RBFOX3: variants seen among roughly 807,000 people sequenced by gnomAD.
The protein encoded by RBFOX3 is RNA binding protein fox-1 homolog 3.
RBFOX3 carries 17 observed loss-of-function variants against 48.7 expected under a neutral mutation model. The ratio of observed to expected loss-of-function variants is 0.35; its 90% CI spans 0.24 to 0.52. The LOEUF (loss-of-function observed/expected upper bound fraction) is 0.52. Among genes scored for constraint, RBFOX3 ranks in the 20% least tolerant of loss-of-function variants. The pLI is 0.94. For missense variants in RBFOX3, 382 were observed against 497.5 expected (o/e 0.77, Z 2.21); for synonymous variants, 212 against 209.5 (o/e 1.01, Z -0.10).
Position 79,162,052 on chromosome 17 carries a change from G to A in RBFOX3, c.-33-46304C>T, listed in dbSNP as rs566816594. Among the ~76,000 whole-genome samples, 8 of 152,254 alleles carry A rather than the reference G, an allele frequency of 5.3e-5. 1 individual carries two copies. Among genetic ancestry groups the A allele is most frequent in the African/African-American group, 1.7e-4 (7 of 41,536 alleles). On this transcript the variant is annotated intron_variant, in intron 4 of 14. Coordinates refer to ENST00000693108, the MANE Select transcript of RBFOX3 (RefSeq NM_001350451.2). The stretch of plus-strand genomic sequence containing the variant: ...CGCTCACAGACTTCTGCCCCCAGCT[G>A]CCCCTGCTGAGAATTGGGAGCCAGA...
At chr17:79,561,415 A>T (rs1361507619) in intron 1 of RBFOX3, among the ~76,000 whole-genome samples, 3 of 152,178 alleles carry the variant, frequency 2.0e-5, no homozygotes, top group African/African-American at 7.2e-5. Flanking sequence ...GTCACCCCCA[A>T]GGATTAAGGG....
chr17:79,097,811 C>T (rs940574755), intron 9 of RBFOX3, 66 bp from the exon 10 acceptor site: 1 of 1,497,960 alleles, frequency 6.7e-7, no homozygotes, highest in South Asian at 1.2e-5. Context: ...AAACGTATGC[C>T]TGGGAACCCC....
intron 1 of RBFOX3, among the ~76,000 whole-genome samples, chr17:79,519,813 C>T (rs1051333724): frequency 3.9e-5 from 6 of 152,228 alleles, no homozygotes; most frequent in African/African-American, 4.8e-5. Context: ...CGGGGGTGAG[C>T]GTCCCTGGCT....
At position 79,362,604 on chromosome 17, in the gene RBFOX3, T is replaced by A. The variant is rs2086594495; in HGVS notation, c.-174-54780A>T. Among the ~76,000 whole-genome samples, 1 of 152,296 alleles carries A rather than the reference T, an allele frequency of 6.6e-6. No individual in the cohort carries two copies. The highest frequency in any genetic ancestry group is 1.9e-4 in the East Asian group (1 of 5,178). ...CGTGTGAGGGGCCCAGAGGCCTCTTTGCAAAGCTTGAATACCTGGCGCCCC... is the reference window on the plus strand; with the variant it reads ...CGTGTGAGGGGCCCAGAGGCCTCTTAGCAAAGCTTGAATACCTGGCGCCCC... On this transcript the variant is annotated intron_variant, in intron 2 of 14. Transcript: ENST00000693108. The surrounding 1 kb of genome is among the most constrained non-coding windows in gnomAD (Gnocchi z 4.2).
At chr17:79,274,764 A>G (rs1281677916) in intron 3 of RBFOX3, among the ~76,000 whole-genome samples, 1 of 151,822 alleles carries the variant, frequency 6.6e-6, no homozygotes, top group Non-Finnish European at 1.5e-5. Flanking sequence ...CCCTGCCTGC[A>G]GCTTCAGCGA....
At chr17:79,174,974 C>G (rs942160919) in intron 4 of RBFOX3, among the ~76,000 whole-genome samples, 3 of 152,210 alleles carry the variant, frequency 2.0e-5, no homozygotes, top group Non-Finnish European at 4.4e-5. Flanking sequence ...GGCCTCAGCT[C>G]GGGGCCTCCT....
chr17:79,504,714 A>G (rs1361929128), intron 1 of RBFOX3, among the ~76,000 whole-genome samples: 1 of 152,166 alleles, frequency 6.6e-6, no homozygotes, highest in African/African-American at 2.4e-5. Context: ...CGCCTGGATA[A>G]TCCAGCACCA....
Position 79,478,294 on chromosome 17 carries a change from C to T in RBFOX3, c.-175+4160G>A, listed in dbSNP as rs554205998. Among the ~76,000 whole-genome samples, 1,034 of 152,330 alleles carry T rather than the reference C, an allele frequency of 6.8e-3. 7 individuals are homozygous for T. Among genetic ancestry groups the T allele is most frequent in the Middle Eastern group, 0.024 (7 of 294 alleles). On this transcript the variant is annotated intron_variant, in intron 2 of 14. Transcript: ENST00000693108. ...AGTCATGTGTTGCCGCTCATGGGTG[C>T]GTCCCTGAGGGTGGGGGCCGGGGTG...
chr17:79,486,996 C>T (rs983596178), intron 1 of RBFOX3, among the ~76,000 whole-genome samples: 3 of 152,208 alleles, frequency 2.0e-5, no homozygotes, highest in Non-Finnish European at 4.4e-5. Flanking sequence ...GAAAAACAAA[C>T]ATCTGGACTG....
intron 2 of RBFOX3, among the ~76,000 whole-genome samples, chr17:79,371,988 G>C (rs373042450): frequency 6.6e-6 from 1 of 152,238 alleles, no homozygotes; most frequent in East Asian, 1.9e-4. Context: ...AGGCAGGTTC[G>C]GGGAGACCCT....
At chr17:79,273,992 G>A (rs1329790131) in intron 3 of RBFOX3, among the ~76,000 whole-genome samples, 1 of 152,188 alleles carries the variant, frequency 6.6e-6, no homozygotes, top group Non-Finnish European at 1.5e-5. Flanking sequence ...CCCCAGATTA[G>A]TGTCCAGCGC....
intron 2 of RBFOX3, among the ~76,000 whole-genome samples, chr17:79,314,089 G>A (rs1043679235): frequency 2.0e-5 from 3 of 152,204 alleles, no homozygotes; most frequent in Non-Finnish European, 4.4e-5. Context: ...CATTCATGGA[G>A]GGGGCTACAG....
At chr17:79,603,538 G>A (rs2093758291) in intron 1 of RBFOX3, among the ~76,000 whole-genome samples, 1 of 152,210 alleles carries the variant, frequency 6.6e-6, no homozygotes, top group South Asian at 2.1e-4. Flanking sequence ...AAGGGAGTGA[G>A]GGTCCCCTCA....
chr17:79,237,390 C>G (rs1161995528), intron 3 of RBFOX3, among the ~76,000 whole-genome samples: 4 of 152,248 alleles, frequency 2.6e-5, no homozygotes, highest in African/African-American at 9.6e-5. Flanking sequence ...GGCAGGTACA[C>G]TTCTTACTCT....
At chr17:79,373,274 G>T (rs1007499574) in intron 2 of RBFOX3, among the ~76,000 whole-genome samples, 1 of 152,024 alleles carries the variant, frequency 6.6e-6, no homozygotes, top group African/African-American at 2.4e-5. Context: ...CTCAACTCCA[G>T]CTCCTTAAGG....
chr17:79,509,925 T>C (rs971623880), intron 1 of RBFOX3, among the ~76,000 whole-genome samples: 2 of 151,768 alleles, frequency 1.3e-5, no homozygotes, highest in Non-Finnish European at 2.9e-5. Context: ...TCCTACTTAC[T>C]TGGGCATGAC....
Position 79,115,745 on chromosome 17 carries a change from C to A in RBFOX3, c.-30G>T. The stretch of plus-strand genomic sequence containing the variant: ...TCAGGCGGAGCCGTGGCGTCCTGAT[C>A]GCTCTGTGGAAGGAGAGAGAGCAAG... On this transcript the variant is annotated 5_prime_UTR_variant, in exon 5 of 15. Transcript: ENST00000693108. 2 of 712,860 alleles carry A rather than the reference C, an allele frequency of 2.8e-6. No homozygotes were observed. The highest frequency in any genetic ancestry group is 4.8e-6 in the Non-Finnish European group (2 of 412,536). The allele number at this position is 712,860 out of a possible 1,614,324, so 44.2% of individuals were successfully genotyped here.
At position 79,200,040 on chromosome 17, in the gene RBFOX3, G is replaced by A. The variant is rs142524289; in HGVS notation, c.-34+35726C>T. Among the ~76,000 whole-genome samples the A allele has an allele frequency of 6.2e-3, 949 of 152,100 alleles. 12 individuals are homozygous for A. The highest frequency in any genetic ancestry group is 0.022 in the African/African-American group (923 of 41,532). ...TAGCTAGGTGTGGTGGCACATGCCT[G>A]TAATCCCAGCTACTTGGGAGGCTGA... On this transcript the variant is annotated intron_variant, in intron 4 of 14. Transcript: ENST00000693108.
intron 2 of RBFOX3, among the ~76,000 whole-genome samples, chr17:79,388,958 G>A (rs569460320): frequency 8.8e-4 from 134 of 152,188 alleles, no homozygotes; most frequent in Non-Finnish European, 1.3e-3. Context: ...TTAGAACTGG[G>A]GCCTTGCCTC....
Sources: allele counts gnomAD v4.1 joint callset (sites outside exome capture counted in the v4.1 genomes callset), GRCh38; gene constraint gnomAD v4.1.1; non-coding constraint Gnocchi (gnomAD v3.1); transcripts MANE v1.5; gene names NCBI Gene and HGNC (gene_info 2026-07-23, HGNC 2026-07-21).